PTPRE: variants seen among roughly 807,000 people sequenced by gnomAD.
The protein encoded by PTPRE is receptor-type tyrosine-protein phosphatase epsilon.
PTPRE carries 51 observed loss-of-function variants against 102.0 expected under a neutral mutation model. That is an observed-to-expected ratio of 0.50 (90% CI 0.40 to 0.63). The LOEUF (loss-of-function observed/expected upper bound fraction) is 0.63. Ranked by LOEUF, PTPRE falls within the 30% of genes least tolerant of loss-of-function variation. The pLI is 0.00. For synonymous variants in PTPRE, 345 were observed against 348.2 expected, an observed-to-expected ratio of 0.99 and a Z score of 0.10; for missense variants, 752 against 915.1, an observed-to-expected ratio of 0.82 and a Z score of 2.30.
chr10:127,976,315 G>T (rs1242340227), intron 1 of PTPRE, among the ~76,000 whole-genome samples: 1 of 152,162 alleles, frequency 6.6e-6, no homozygotes, highest in African/African-American at 2.4e-5. Flanking sequence ...GATAATAATG[G>T]CATAGACAGA....
intron 7 of PTPRE, among the ~76,000 whole-genome samples, chr10:128,057,797 G>A (rs1375980638): frequency 1.3e-5 from 2 of 152,224 alleles, no homozygotes; most frequent in African/African-American, 4.8e-5. Flanking sequence ...GCTAGATGCT[G>A]CACACTTTGG....
chr10:128,050,888 C>T (rs978047066), intron 6 of PTPRE, among the ~76,000 whole-genome samples: 2 of 152,198 alleles, frequency 1.3e-5, no homozygotes, highest in Admixed American at 6.5e-5. Flanking sequence ...CCAGAAGCAA[C>T]GTGTGAAGGC....
Position 127,942,544 on chromosome 10 carries a change from A to C in PTPRE, c.-31+35235A>C, listed in dbSNP as rs183902414. Among the ~76,000 whole-genome samples the C allele has an allele frequency of 2.6e-4, 39 of 152,340 alleles. 2 individuals carry two copies. The highest frequency in any genetic ancestry group is 9.4e-4 in the African/African-American group (39 of 41,580). ...GCAATGGAATGCTGTTCCGTCCTAA[A>C]AAGGAAGGAGCTCCTCTCATTTGCT... On this transcript the variant is annotated intron_variant, in intron 1 of 20. Coordinates refer to ENST00000254667, the MANE Select transcript of PTPRE (RefSeq NM_006504.6).
At chr10:128,079,827 G>A (rs1365793674) in intron 20 of PTPRE, 132 bp downstream of exon 20, 2 of 1,232,326 alleles carry the variant, frequency 1.6e-6, no homozygotes, top group Admixed American at 4.7e-5. Context: ...AAAAGAGCCA[G>A]CTGCAATGTT....
intron 1 of PTPRE, among the ~76,000 whole-genome samples, chr10:127,963,872 AGGCAGTG>A (rs1212902113): frequency 6.6e-6 from 1 of 152,236 alleles, no homozygotes; most frequent in Non-Finnish European, 1.5e-5. Context: ...CAGTGGGCCA[AGGCAGTG>A]GTCTTCAGCC....
At chr10:128,037,725 T>G (rs1182729513) in intron 2 of PTPRE, among the ~76,000 whole-genome samples, 2 of 152,234 alleles carry the variant, frequency 1.3e-5, no homozygotes, top group Non-Finnish European at 2.9e-5. Flanking sequence ...AGAAATCACA[T>G]GCAATTTGTG....
In PTPRE at chr10:128,047,448, G is replaced by T; in HGVS notation, c.168G>T (p.Leu56=). ...TGGCCTGGCTGCTACTGCCGCTGCT[G>T]CTCCTCCTCCTCGTGCTCCTTCTCG... ...PLLAWLLLPL[L]LLLLVLLLAA... is the part of the protein sequence containing the mutation. The change falls in exon 4 of 21, where the codon CTG becomes CTT. Residue 56 remains leucine (L), a synonymous_variant. Transcript: ENST00000254667. The T allele has an allele frequency of 6.2e-7, 1 of 1,613,366 alleles. No individual in the cohort carries two copies.
intron 2 of PTPRE, among the ~76,000 whole-genome samples, chr10:127,984,035 C>T (rs11015994): frequency 0.19 from 28,130 of 151,462 alleles, 2,762 homozygotes; most frequent in Non-Finnish European, 0.22. Context: ...GGGCACCTCC[C>T]TTTTCCTGGC....
chr10:128,065,026 A>G (rs764459169), intron 10 of PTPRE, among the ~76,000 whole-genome samples: 1 of 152,202 alleles, frequency 6.6e-6, no homozygotes, highest in Non-Finnish European at 1.5e-5. Context: ...AGGGCTCCCC[A>G]TAGGGCCAAG....
chr10:127,952,600 A>G (rs1440575185), intron 1 of PTPRE, among the ~76,000 whole-genome samples: 2 of 152,256 alleles, frequency 1.3e-5, no homozygotes, highest in East Asian at 3.9e-4. Context: ...CCAACAATCA[A>G]TAGGCGATGT....
chr10:128,079,795 TG>T (rs1489705312), intron 20 of PTPRE, 100 bp downstream of exon 20: 11 of 1,417,340 alleles, frequency 7.8e-6, no homozygotes, highest in Non-Finnish European at 1.1e-5. Flanking sequence ...ATGGGGGAGG[TG>T]GGAAGGTAAA....
chr10:127,973,706 T>C (rs2135433645), intron 1 of PTPRE, among the ~76,000 whole-genome samples: 1 of 152,226 alleles, frequency 6.6e-6, no homozygotes. Context: ...CAGGCTAATA[T>C]ATTTTCTTAG....
chr10:128,078,392 C>T (rs1216018029), intron 19 of PTPRE, among the ~76,000 whole-genome samples: 1 of 152,250 alleles, frequency 6.6e-6, no homozygotes, highest in East Asian at 1.9e-4. Context: ...CCACTGGCCA[C>T]CCACTTGCCT....
At chr10:128,063,031 A>G in intron 9 of PTPRE, 52 bp from the exon 10 acceptor site, 1 of 1,608,866 alleles carries the variant, frequency 6.2e-7, no homozygotes, top group Non-Finnish European at 8.5e-7. Context: ...CTGGGACCCC[A>G]AAGGGACTTC....
chr10:127,997,121 C>T (rs547796081), intron 2 of PTPRE, among the ~76,000 whole-genome samples: 132 of 152,270 alleles, frequency 8.7e-4, no homozygotes, highest in African/African-American at 2.5e-3. Flanking sequence ...GTTTGGCTCC[C>T]ATAAATCACC....
At chr10:128,017,329 T>G (rs1845519337) in intron 2 of PTPRE, among the ~76,000 whole-genome samples, 1 of 152,140 alleles carries the variant, frequency 6.6e-6, no homozygotes. Flanking sequence ...GTAAGAGGCC[T>G]GGCACGCTTG....
intron 2 of PTPRE, among the ~76,000 whole-genome samples, chr10:127,991,653 A>G (rs1296796414): frequency 6.6e-6 from 1 of 152,196 alleles, no homozygotes; most frequent in African/African-American, 2.4e-5. Flanking sequence ...TACAAATCCA[A>G]TCCATTTGGG....
intron 3 of PTPRE, 68 bp from the exon 4 acceptor site, chr10:128,047,322 T>C (rs780330985): frequency 1.7e-5 from 26 of 1,560,432 alleles, no homozygotes; most frequent in Non-Finnish European, 2.2e-5. Flanking sequence ...GAAGGGCTTA[T>C]GGAGGGAGAC....
At position 128,072,231 on chromosome 10, in the gene PTPRE, G is replaced by T. The variant is rs757504255; in HGVS notation, c.1464+17G>T. ...TTCATAGACGTACGTATGCTGGCCT[G>T]GGTTGTGTTTATGCAGATGTGTTTC... On this transcript the variant is annotated intron_variant, in intron 16 of 20. Transcript: ENST00000254667. 1 of 1,606,220 alleles carries T rather than the reference G, an allele frequency of 6.2e-7. No homozygotes were observed.
Sources: allele counts gnomAD v4.1 joint callset (sites outside exome capture counted in the v4.1 genomes callset), GRCh38; gene constraint gnomAD v4.1.1; transcripts MANE v1.5; gene names NCBI Gene and HGNC (gene_info 2026-07-23, HGNC 2026-07-21).